SLC25A31: variants seen among roughly 807,000 people sequenced by gnomAD.
SLC25A31 encodes ADP/ATP translocase 4.
A neutral mutation model predicts 36.2 loss-of-function variants in SLC25A31; 40 were observed. The observed-to-expected ratio is 1.10, with a 90% CI of 0.86 to 1.44. The LOEUF is 1.44. Ranked by LOEUF, SLC25A31 falls within the 40% of genes most tolerant of loss-of-function variation. SLC25A31 has a pLI of 0.00. For synonymous variants in SLC25A31, 143 were observed against 149.7 expected (o/e 0.96, Z 0.32); for missense variants, 350 against 397.1 (o/e 0.88, Z 1.01).
rs779861663 is a variant in SLC25A31, at chr4:127,764,368, A to T, written c.478+8A>T. ...GTGTCGATATTGGAAAAGGTATGAG[A>T]TTTTTAGAAATACTAACTTTTCCTT... On this transcript the variant is annotated splice_region_variant and intron_variant, in intron 3 of 5. Coordinates refer to ENST00000281154, the MANE Select transcript of SLC25A31 (RefSeq NM_031291.4). 9.5e-6 allele frequency: 15 copies of T among 1,587,190 alleles called. No individual in the cohort carries two copies. In the South Asian group the frequency reaches 1.7e-4, roughly 18 times the overall value.
At chr4:127,748,092 T>C (rs527950909) in intron 2 of SLC25A31, among the ~76,000 whole-genome samples, 4 of 152,306 alleles carry the variant, frequency 2.6e-5, no homozygotes, top group African/African-American at 7.2e-5. Flanking sequence ...GCGTGGAATG[T>C]GACTGACCTT....
At chr4:127,734,371 C>T (rs1056802715) in intron 1 of SLC25A31, among the ~76,000 whole-genome samples, 2 of 151,902 alleles carry the variant, frequency 1.3e-5, no homozygotes, top group Non-Finnish European at 2.9e-5. Flanking sequence ...ACCAGCCTGG[C>T]CAACATGGTG....
chr4:127,741,989 T>C (rs1268613956), intron 1 of SLC25A31, among the ~76,000 whole-genome samples: 1 of 152,214 alleles, frequency 6.6e-6, no homozygotes, highest in South Asian at 2.1e-4. Flanking sequence ...CTTTCACTTA[T>C]AATTTTACTT....
At chr4:127,760,956 A>G (rs895146963) in intron 2 of SLC25A31, among the ~76,000 whole-genome samples, 1 of 152,082 alleles carries the variant, frequency 6.6e-6, no homozygotes, top group Non-Finnish European at 1.5e-5. Flanking sequence ...GAAAACACCA[A>G]TATAGTAATA....
chr4:127,745,789 T>C (rs1731813887), intron 2 of SLC25A31, among the ~76,000 whole-genome samples: 3 of 152,190 alleles, frequency 2.0e-5, no homozygotes, highest in Admixed American at 2.0e-4. Context: ...TTGGATCTTA[T>C]TTAGCTACAT....
chr4:127,768,775 A>T lies in SLC25A31; in HGVS notation c.657A>T (p.Lys219Asn). The change falls in exon 5 of 6, where the codon AAA (lysine) becomes AAT (asparagine). Residue 219 changes from lysine (K) to asparagine (N), a missense_variant. By Grantham distance (94) the Lys-to-Asn change is moderately conservative. Transcript: ENST00000281154. Reference protein sequence around the residue: ...TVKGLLPKPKKTPFLVSFFIA... With the variant: ...TVKGLLPKPKNTPFLVSFFIA... ...AGGGTTTATTACCAAAGCCAAAGAA[A>T]ACTCCATTTCTTGTCTCCTTTTTCA... 1 of 1,604,114 alleles carries T rather than the reference A, an allele frequency of 6.2e-7. No homozygotes were observed. Among genetic ancestry groups the T allele is most frequent in the Non-Finnish European group, 8.5e-7 (1 of 1,176,060 alleles).
intron 2 of SLC25A31, among the ~76,000 whole-genome samples, chr4:127,751,438 C>T (rs535964974): frequency 6.6e-6 from 1 of 152,308 alleles, no homozygotes; most frequent in East Asian, 1.9e-4. Flanking sequence ...GGATTAAAGA[C>T]TTAAATGTTA....
Position 127,762,785 on chromosome 4 carries a change from G to A in SLC25A31, c.361-1458G>A, listed in dbSNP as rs535401192. Among the ~76,000 whole-genome samples, 821 of 152,062 alleles carry A rather than the reference G, an allele frequency of 5.4e-3. 7 individuals are homozygous for A. The highest frequency in any genetic ancestry group is 0.027 in the Middle Eastern group (8 of 294). On this transcript the variant is annotated intron_variant, in intron 2 of 5. Coordinates refer to ENST00000281154, the MANE Select transcript of SLC25A31 (RefSeq NM_031291.4). The stretch of plus-strand genomic sequence containing the variant: ...AAAAATACAAGAAAATTATCTGGGC[G>A]TGGTGGCGGGCGCCTGTAGTCCCAG...
intron 1 of SLC25A31, among the ~76,000 whole-genome samples, chr4:127,738,562 A>G (rs1455410844): frequency 6.6e-6 from 1 of 152,212 alleles, no homozygotes; most frequent in Non-Finnish European, 1.5e-5. Flanking sequence ...TTCCATGTGT[A>G]GAAGAGAAGA....
intron 2 of SLC25A31, among the ~76,000 whole-genome samples, chr4:127,760,907 C>T (rs1459966370): frequency 6.6e-6 from 1 of 152,086 alleles, no homozygotes; most frequent in Non-Finnish European, 1.5e-5. Flanking sequence ...AGTGTGGTGG[C>T]GGGCGCCTGT....
intron 5 of SLC25A31, among the ~76,000 whole-genome samples, chr4:127,769,985 G>GTTCT (rs1271738167): frequency 6.6e-6 from 1 of 152,152 alleles, no homozygotes; most frequent in Admixed American, 6.5e-5. Flanking sequence ...TGTCCTAAGA[G>GTTCT]TTCTGTACTT....
At chr4:127,748,358 G>T (rs35008927) in intron 2 of SLC25A31, among the ~76,000 whole-genome samples, 4 of 152,042 alleles carry the variant, frequency 2.6e-5, no homozygotes, top group Admixed American at 2.6e-4. Context: ...TGACCCCAGA[G>T]ACAAGCTTAA....
rs376610442 is a variant in SLC25A31, at chr4:127,773,531, A to C, written c.905A>C (p.Asp302Ala). 3.7e-6 allele frequency: 6 copies of C among 1,603,052 alleles called. No individual in the cohort carries two copies. In the African/African-American group the frequency reaches 8.1e-5, roughly 22 times the overall value. Residue 302 changes from aspartate (D) to alanine (A), a missense_variant, in exon 6 of 6, where the codon GAT (aspartate) becomes GCT (alanine). Physicochemically the swap from Asp to Ala is moderately radical, Grantham distance 126. Coordinates refer to ENST00000281154, the MANE Select transcript of SLC25A31 (RefSeq NM_031291.4). ...TGGALVLVLY[D>A]KIKEFFHIDI... The stretch of plus-strand genomic sequence containing the variant: ...GGTGCTTTGGTGTTGGTATTATATG[A>C]TAAAATTAAAGAATTCTTTCATATT...
chr4:127,737,948 C>A (rs566869833), intron 1 of SLC25A31, among the ~76,000 whole-genome samples: 4 of 94,172 alleles, frequency 4.2e-5, no homozygotes, highest in African/African-American at 1.4e-4. Context: ...AGTCTGAAAC[C>A]CATAATATCT....
Position 127,730,405 on chromosome 4 carries a change from C to A in SLC25A31, c.-141C>A. 1.1e-6 allele frequency: 1 copy of A among 893,298 alleles called. No homozygotes were observed. The allele number at this position is 893,298 out of a possible 1,614,324, so 55.3% of individuals were successfully genotyped here. A position where few individuals can be genotyped will look rare whatever the true frequency, so the allele number is the denominator to read the frequency against. ...AGCTTTTCCGCACGCGCCTCGCCGGCGCGCGGCTCTCTCAGCGTCCCAAGA... is the reference window on the plus strand; with the variant it reads ...AGCTTTTCCGCACGCGCCTCGCCGGAGCGCGGCTCTCTCAGCGTCCCAAGA... On this transcript the variant is annotated 5_prime_UTR_variant, in exon 1 of 6. Coordinates refer to ENST00000281154, the MANE Select transcript of SLC25A31 (RefSeq NM_031291.4).
At position 127,732,691 on chromosome 4, in the gene SLC25A31, CCTTG is replaced by C. The variant is rs1293787611; in HGVS notation, c.232+1918_232+1921del. ...ATATCATTCTCAGATGTATCCTGGTCCTTGCTTTAAGTTCCAAGATGAGAGGATC... is the reference window on the plus strand; with the variant it reads ...ATATCATTCTCAGATGTATCCTGGTCCTTTAAGTTCCAAGATGAGAGGATC... On this transcript the variant is annotated intron_variant, in intron 1 of 5. Coordinates refer to ENST00000281154, the MANE Select transcript of SLC25A31 (RefSeq NM_031291.4). Among the ~76,000 whole-genome samples the C allele has an allele frequency of 5.3e-5, 8 of 152,150 alleles. No homozygotes were observed. In the East Asian group the frequency reaches 1.5e-3, roughly 29 times the overall value.
chr4:127,770,741 T>C (rs751983997), intron 5 of SLC25A31, among the ~76,000 whole-genome samples: 1 of 152,072 alleles, frequency 6.6e-6, no homozygotes, highest in African/African-American at 2.4e-5. Flanking sequence ...GTCTTATATG[T>C]GTGTGTGTAT....
intron 2 of SLC25A31, among the ~76,000 whole-genome samples, chr4:127,755,315 A>G (rs980381687): frequency 6.6e-6 from 1 of 152,224 alleles, no homozygotes; most frequent in Non-Finnish European, 1.5e-5. Context: ...TGAACAGGAA[A>G]GGAAACAACA....
At chr4:127,770,624 C>CA (rs929840345) in intron 5 of SLC25A31, among the ~76,000 whole-genome samples, 45 of 129,954 alleles carry the variant, frequency 3.5e-4, no homozygotes, top group African/African-American at 6.4e-4. Context: ...GACTCTGTCT[C>CA]AAAAAAAAAA....
Sources: gnomAD v4.1 joint callset for allele counts (sites outside exome capture counted in the v4.1 genomes callset) on GRCh38, gnomAD v4.1.1 for gene constraint, MANE v1.5 for transcripts, NCBI Gene and HGNC (gene_info 2026-07-23, HGNC 2026-07-21) for gene names.